The following AK9 variants were observed in gnomAD, a reference collection of about 807,000 sequenced individuals.
The protein encoded by AK9 is adenylate kinase domain containing 1.
In AK9, 191 loss-of-function variants were observed where a neutral mutation model predicts 239.6. That is an observed-to-expected ratio of 0.80 (90% CI 0.71 to 0.90). The LOEUF is 0.90. AK9 is among the 40% of genes least tolerant of loss of function. AK9 has a pLI of 0.00. For missense variants in AK9, 1,995 were observed against 2,214.7 expected (o/e 0.90, Z 1.99); for synonymous variants, 689 against 721.0 (o/e 0.96, Z 0.71).
chr6:109,523,242 T>C (rs1458334578), intron 29 of AK9, among the ~76,000 whole-genome samples: 1 of 131,208 alleles, frequency 7.6e-6, no homozygotes, highest in African/African-American at 2.6e-5. Context: ...AAAGATCATC[T>C]AAGAGACTCT....
intron 12 of AK9, among the ~76,000 whole-genome samples, chr6:109,621,898 A>C (rs1183716045): frequency 4.4e-4 from 39 of 88,362 alleles, no homozygotes; most frequent in African/African-American, 1.3e-3. Context: ...ATAATTAAAA[A>C]AAAAAAAAAA....
At chr6:109,577,248 A>G (rs1053564068) in intron 20 of AK9, among the ~76,000 whole-genome samples, 3 of 152,202 alleles carry the variant, frequency 2.0e-5, no homozygotes, top group Admixed American at 6.5e-5. Flanking sequence ...TGAGATGATC[A>G]TAAGATTTTT....
intron 20 of AK9, among the ~76,000 whole-genome samples, chr6:109,577,851 TC>T (rs1479967112): frequency 3.6e-4 from 54 of 151,232 alleles, no homozygotes; most frequent in African/African-American, 1.3e-3. Context: ...TTCCTTCCTC[TC>T]TCTTTTTCTT....
In AK9 at chr6:109,516,255, G is replaced by A. The variant is rs188632091; in HGVS notation, c.3846+175C>T. Among the ~76,000 whole-genome samples the A allele has an allele frequency of 1.3e-4, 20 of 152,216 alleles. No individual in the cohort carries two copies. The East Asian group carries it at 3.7e-3, about 28-fold the overall frequency. ...TACTCTGACCCTCTGTGGCTTCCAC[G>A]TTGCTCTTAATTTATGGACTTATTG... On this transcript the variant is annotated intron_variant, in intron 30 of 40. Transcript: ENST00000424296.
At chr6:109,677,222 C>T (rs1352584678) in intron 1 of AK9, among the ~76,000 whole-genome samples, 3 of 152,072 alleles carry the variant, frequency 2.0e-5, no homozygotes, top group Non-Finnish European at 4.4e-5. Flanking sequence ...TAAACCTGCA[C>T]ATGTACCCCG....
At chr6:109,598,398 C>A (rs1277508029) in intron 17 of AK9, among the ~76,000 whole-genome samples, 1 of 152,062 alleles carries the variant, frequency 6.6e-6, no homozygotes, top group Non-Finnish European at 1.5e-5. Flanking sequence ...ATAAAGGACA[C>A]GAACTCATCA....
intron 31 of AK9, among the ~76,000 whole-genome samples, chr6:109,514,711 T>G (rs934893657): frequency 1.3e-5 from 2 of 152,312 alleles, no homozygotes; most frequent in East Asian, 3.9e-4. Flanking sequence ...TAGTGTATAC[T>G]GAATGTTTCT....
At chr6:109,589,290 A>G (rs1053789514) in intron 17 of AK9, among the ~76,000 whole-genome samples, 4 of 151,962 alleles carry the variant, frequency 2.6e-5, no homozygotes, top group African/African-American at 9.7e-5. Context: ...GAGATCTTTC[A>G]CCTCCTTGGT....
chr6:109,617,327 A>G (rs911249202), intron 13 of AK9, among the ~76,000 whole-genome samples: 1 of 152,162 alleles, frequency 6.6e-6, no homozygotes. Flanking sequence ...ATAAGCACCC[A>G]TTTCATGGAA....
At chr6:109,494,141 T>C in intron 39 of AK9, 46 bp from the exon 40 acceptor site, 1 of 1,428,378 alleles carries the variant, frequency 7.0e-7, no homozygotes, top group Non-Finnish European at 9.8e-7. Flanking sequence ...TTGAGTTTGG[T>C]TTCTTTTCTT....
chr6:109,620,478 G>A (rs1341616945), intron 12 of AK9, among the ~76,000 whole-genome samples: 3 of 152,008 alleles, frequency 2.0e-5, no homozygotes, highest in African/African-American at 7.2e-5. Context: ...GCCTAAAATT[G>A]TGTTAGAATA....
chr6:109,615,146 C>T (rs942850348), intron 13 of AK9, among the ~76,000 whole-genome samples: 4 of 152,122 alleles, frequency 2.6e-5, no homozygotes, highest in Non-Finnish European at 5.9e-5. Flanking sequence ...CTCAGTCAAA[C>T]GTCCCCTCTT....
At chr6:109,516,385 C>A in intron 30 of AK9, 45 bp downstream of exon 30, 2 of 1,495,022 alleles carry the variant, frequency 1.3e-6, no homozygotes, top group South Asian at 1.2e-5. Flanking sequence ...GTCTGATTCT[C>A]AAATATTACT....
At chr6:109,648,300 G>A (rs1310294931) in intron 8 of AK9, among the ~76,000 whole-genome samples, 7 of 152,180 alleles carry the variant, frequency 4.6e-5, no homozygotes, top group South Asian at 4.2e-4. Flanking sequence ...ATGAATCCAG[G>A]AGCTAGTTTT....
intron 2 of AK9, among the ~76,000 whole-genome samples, chr6:109,674,847 G>A (rs1050416893): frequency 2.0e-5 from 3 of 152,176 alleles, no homozygotes; most frequent in African/African-American, 7.2e-5. Flanking sequence ...CTGTCCCAGG[G>A]TCCATGTAAA....
chr6:109,612,770 G>A (rs1432728482), intron 15 of AK9, among the ~76,000 whole-genome samples: 2 of 151,840 alleles, frequency 1.3e-5, no homozygotes, highest in South Asian at 2.1e-4. Flanking sequence ...GAATTAGTAG[G>A]AGAAACTAAA....
intron 5 of AK9, 103 bp downstream of exon 5, chr6:109,671,816 C>T (rs941444857): frequency 2.1e-6 from 2 of 936,888 alleles, no homozygotes; most frequent in Admixed American, 2.4e-5. Context: ...GATTCTTATG[C>T]TAAGGCAAAA....
At chr6:109,654,852 T>C (rs1318349003) in intron 8 of AK9, among the ~76,000 whole-genome samples, 1 of 152,182 alleles carries the variant, frequency 6.6e-6, no homozygotes, top group Non-Finnish European at 1.5e-5. Flanking sequence ...CCTGCTTGCT[T>C]TCCTTGTATC....
intron 1 of AK9, among the ~76,000 whole-genome samples, chr6:109,677,827 T>A (rs948337372): frequency 6.6e-6 from 1 of 152,088 alleles, no homozygotes; most frequent in Non-Finnish European, 1.5e-5. Context: ...ATGTTAAAAA[T>A]CACTAGCCAT....
Sources: allele counts gnomAD v4.1 joint callset (sites outside exome capture counted in the v4.1 genomes callset), GRCh38; gene constraint gnomAD v4.1.1; transcripts MANE v1.5; gene names NCBI Gene and HGNC (gene_info 2026-07-23, HGNC 2026-07-21).